Variants in TRIR observed in about 807,000 individuals in gnomAD.
TRIR encodes the protein telomerase RNA component interacting RNase.
A neutral mutation model predicts 18.2 loss-of-function variants in TRIR; 5 were observed. That is an observed-to-expected ratio of 0.27 (90% CI 0.14 to 0.58). The LOEUF (loss-of-function observed/expected upper bound fraction) is 0.58, where lower values mean the gene tolerates loss of function less well. Among genes scored for constraint, TRIR ranks in the 20% least tolerant of loss-of-function variants. The probability of loss-of-function intolerance (pLI) is 0.91; values close to 1 mark genes in which losing one functional copy is unlikely to be tolerated. For missense variants in TRIR, 206 were observed against 252.8 expected, an observed-to-expected ratio of 0.81 and a Z score of 1.25; for synonymous variants, 134 against 114.4, an observed-to-expected ratio of 1.17 and a Z score of -1.10.
chr19:12,731,258 A>G lies in TRIR; in HGVS notation c.423+86T>C, dbSNP rs1967422204. ...CCAGGCACACTCATAAAAGGCCTGG[A>G]TACCAGACAGGGAGGGAGAAGGCTG... On this transcript the variant is annotated intron_variant, in intron 2 of 2. Coordinates refer to ENST00000242784, the MANE Select transcript of TRIR (RefSeq NM_024038.4). This position sits in a 1 kb window ranked among gnomAD's most constrained non-coding sequence, Gnocchi z 5.1. The G allele has an allele frequency of 6.6e-7, 1 of 1,506,422 alleles. No individual in the cohort carries two copies. Among genetic ancestry groups the G allele is most frequent in the African/African-American group, 1.4e-5 (1 of 72,688 alleles). The allele number at this position is 1,506,422 out of a possible 1,614,324, so 93.3% of individuals were successfully genotyped here. A position where few individuals can be genotyped will look rare whatever the true frequency, so the allele number is the denominator to read the frequency against.
Position 12,731,232 on chromosome 19 carries a change from G to T in TRIR, c.423+112C>A. The T allele has an allele frequency of 1.4e-6, 2 of 1,385,344 alleles. No homozygotes were observed. Among genetic ancestry groups the T allele is most frequent in the Non-Finnish European group, 2.0e-6 (2 of 977,732 alleles). The allele number at this position is 1,385,344 out of a possible 1,614,324, so 85.8% of individuals were successfully genotyped here. On this transcript the variant is annotated intron_variant, in intron 2 of 2. Transcript: ENST00000242784. The surrounding 1 kb of genome is among the most constrained non-coding windows in gnomAD (Gnocchi z 5.1). ...GACCCATTGACAGCCCTCCTACCCT[G>T]CCAGGCACACTCATAAAAGGCCTGG...
At position 12,731,846 on chromosome 19, in the gene TRIR, G is replaced by C. The variant is rs1424195006; in HGVS notation, c.346-425C>G. ...GTTAGAACCACCCCCTTTTTGACCAGGCGCGGTGGCTCAGGCCTGTAATCC... is the reference window on the plus strand; with the variant it reads ...GTTAGAACCACCCCCTTTTTGACCACGCGCGGTGGCTCAGGCCTGTAATCC... On this transcript the variant is annotated intron_variant, in intron 1 of 2. Coordinates refer to ENST00000242784, the MANE Select transcript of TRIR (RefSeq NM_024038.4). This position sits in a 1 kb window ranked among gnomAD's most constrained non-coding sequence, Gnocchi z 5.1. 1 of 164,388 alleles carries C rather than the reference G, an allele frequency of 6.1e-6. No individual in the cohort carries two copies. Among genetic ancestry groups the C allele is most frequent in the African/African-American group, 2.4e-5 (1 of 41,152 alleles). The allele number at this position is 164,388 out of a possible 1,614,324, so 10.2% of individuals were successfully genotyped here.
At chr19:12,733,327 C>T (rs1317869169) in intron 1 of TRIR, among the ~76,000 whole-genome samples, 1 of 152,156 alleles carries the variant, frequency 6.6e-6, no homozygotes, top group Non-Finnish European at 1.5e-5. Context: ...ACACTTTTTC[C>T]TCCACACTAC....
Position 12,730,749 on chromosome 19 carries a change from G to C in TRIR, c.*212C>G. 1 of 595,300 alleles carries C rather than the reference G, an allele frequency of 1.7e-6. No individual in the cohort carries two copies. Among genetic ancestry groups the C allele is most frequent in the South Asian group, 2.0e-5 (1 of 49,710 alleles). The allele number at this position is 595,300 out of a possible 1,614,324, so 36.9% of individuals were successfully genotyped here. On this transcript the variant is annotated 3_prime_UTR_variant, in exon 3 of 3. Transcript: ENST00000242784. ...CAGAGAGAATGAGGAGGTGAGAAGG[G>C]GGGGACAGTAAACCACTGTTCTATG...
At position 12,730,885 on chromosome 19, in the gene TRIR, G is replaced by T; in HGVS notation, c.*76C>A. The T allele has an allele frequency of 7.3e-7, 1 of 1,366,446 alleles. No homozygotes were observed. Among genetic ancestry groups the T allele is most frequent in the Non-Finnish European group, 1.0e-6 (1 of 958,278 alleles). 84.6% of individuals were successfully genotyped at this position (1,366,446 alleles called of 1,614,324 possible). A position where few individuals can be genotyped will look rare whatever the true frequency, so the allele number is the denominator to read the frequency against. On this transcript the variant is annotated 3_prime_UTR_variant, in exon 3 of 3. Coordinates refer to ENST00000242784, the MANE Select transcript of TRIR (RefSeq NM_024038.4). ...CTTTTAAGTCCTCTCAGGGAAGGCTGTCGCCGCTGCCGCTGCATTAAATAG... is the reference window on the plus strand; with the variant it reads ...CTTTTAAGTCCTCTCAGGGAAGGCTTTCGCCGCTGCCGCTGCATTAAATAG...
rs921799927 is a variant in TRIR, at chr19:12,734,142, C to T, written c.345+171G>A. On this transcript the variant is annotated intron_variant, in intron 1 of 2. Coordinates refer to ENST00000242784, the MANE Select transcript of TRIR (RefSeq NM_024038.4). The surrounding 1 kb of genome is among the most constrained non-coding windows in gnomAD (Gnocchi z 4.1). ...AAGCTCCTGGAGTCCCCACTCCCGC[C>T]CCTAGACCCCAGTTGTCGGGAATCC... 1.3e-5 allele frequency among the ~76,000 whole-genome samples: 2 copies of T among 152,216 alleles called. No individual in the cohort carries two copies. Among genetic ancestry groups the T allele is most frequent in the Non-Finnish European group, 2.9e-5 (2 of 68,036 alleles).
At position 12,731,284 on chromosome 19, in the gene TRIR, G is replaced by C. The variant is rs1967422582; in HGVS notation, c.423+60C>G. On this transcript the variant is annotated intron_variant, in intron 2 of 2. Coordinates refer to ENST00000242784, the MANE Select transcript of TRIR (RefSeq NM_024038.4). This position sits in a 1 kb window ranked among gnomAD's most constrained non-coding sequence, Gnocchi z 5.1. The stretch of plus-strand genomic sequence containing the variant: ...TACCAGACAGGGAGGGAGAAGGCTG[G>C]GCGCAAAAGCTGGAAGGGAAAGGCA... 5 of 1,582,974 alleles carry C rather than the reference G, an allele frequency of 3.2e-6. No homozygotes were observed. The highest frequency in any genetic ancestry group is 4.3e-6 in the Non-Finnish European group (5 of 1,154,374).
Position 12,731,091 on chromosome 19 carries a change from A to C in TRIR, c.424-23T>G, listed in dbSNP as rs1286823523. 2 of 1,594,734 alleles carry C rather than the reference A, an allele frequency of 1.3e-6. No homozygotes were observed. Among genetic ancestry groups the C allele is most frequent in the Non-Finnish European group, 1.7e-6 (2 of 1,162,866 alleles). Reference sequence around the variant, plus strand: ...TACCTGTGGAAAGGGGATACGGGTTAGGACGGGGGTGCCAGGAACCAGGGT... The same window carrying C: ...TACCTGTGGAAAGGGGATACGGGTTCGGACGGGGGTGCCAGGAACCAGGGT... On this transcript the variant is annotated intron_variant, in intron 2 of 2. Transcript: ENST00000242784. The surrounding 1 kb of genome is among the most constrained non-coding windows in gnomAD (Gnocchi z 5.1).
intron 1 of TRIR, among the ~76,000 whole-genome samples, chr19:12,732,957 G>T (rs751024647): frequency 1.6e-4 from 24 of 152,144 alleles, no homozygotes; most frequent in Non-Finnish European, 2.9e-4. Context: ...AGGCTAGAGC[G>T]CAGTGGTGCA....
intron 1 of TRIR, among the ~76,000 whole-genome samples, chr19:12,732,124 C>CAA (rs34115155): frequency 0.015 from 1,209 of 79,618 alleles, 22 homozygotes; most frequent in Non-Finnish European, 0.018. Context: ...GACTCTGTCT[C>CAA]AAAAAAAAAA....
At chr19:12,733,427 T>C (rs1433473876) in intron 1 of TRIR, among the ~76,000 whole-genome samples, 1 of 152,194 alleles carries the variant, frequency 6.6e-6, no homozygotes, top group Non-Finnish European at 1.5e-5. Flanking sequence ...TTTCTCAACC[T>C]GGCACTAATA....
chr19:12,731,552 G>A lies in TRIR; in HGVS notation c.346-131C>T. 3 of 923,802 alleles carry A rather than the reference G, an allele frequency of 3.2e-6. No individual in the cohort carries two copies. The highest frequency in any genetic ancestry group is 4.8e-6 in the Non-Finnish European group (3 of 621,794). 57.2% of individuals were successfully genotyped at this position (923,802 alleles called of 1,614,324 possible). On this transcript the variant is annotated intron_variant, in intron 1 of 2. Coordinates refer to ENST00000242784, the MANE Select transcript of TRIR (RefSeq NM_024038.4). This position sits in a 1 kb window ranked among gnomAD's most constrained non-coding sequence, Gnocchi z 5.1. ...ACGCCGCGCCCAGCTCCGCCAGCCG[G>A]CCGACCTGCGCAGCAATCAGAGAGG...
rs143610591 is a variant in TRIR, at chr19:12,733,864, G to A, written c.345+449C>T. Among the ~76,000 whole-genome samples, 641 of 152,320 alleles carry A rather than the reference G, an allele frequency of 4.2e-3. 19 individuals carry two copies. Among genetic ancestry groups the A allele is most frequent in the Middle Eastern group, 3.4e-3 (1 of 294 alleles). On this transcript the variant is annotated intron_variant, in intron 1 of 2. Coordinates refer to ENST00000242784, the MANE Select transcript of TRIR (RefSeq NM_024038.4). Reference sequence around the variant, plus strand: ...GAGGTAAATTGCTCAATAAATGGAGGTTGGTCGAATAAGATACAAGGAAGT... The same window carrying A: ...GAGGTAAATTGCTCAATAAATGGAGATTGGTCGAATAAGATACAAGGAAGT...
chr19:12,731,456 G>A lies in TRIR; in HGVS notation c.346-35C>T. 6.3e-7 allele frequency: 1 copy of A among 1,597,132 alleles called. No individual in the cohort carries two copies. The highest frequency in any genetic ancestry group is 1.1e-5 in the South Asian group (1 of 88,850). ...GGGACAGAAGACTGCAACGGTTACA[G>A]GAGCCGGGACCGCCCTTGGCGGCGC... On this transcript the variant is annotated intron_variant, in intron 1 of 2. Coordinates refer to ENST00000242784, the MANE Select transcript of TRIR (RefSeq NM_024038.4). This position sits in a 1 kb window ranked among gnomAD's most constrained non-coding sequence, Gnocchi z 5.1.
Position 12,730,889 on chromosome 19 carries a change from C to T in TRIR, c.*72G>A. On this transcript the variant is annotated 3_prime_UTR_variant, in exon 3 of 3. Coordinates refer to ENST00000242784, the MANE Select transcript of TRIR (RefSeq NM_024038.4). Reference sequence around the variant, plus strand: ...TAAGTCCTCTCAGGGAAGGCTGTCGCCGCTGCCGCTGCATTAAATAGTTAT... The same window carrying T: ...TAAGTCCTCTCAGGGAAGGCTGTCGTCGCTGCCGCTGCATTAAATAGTTAT... 1 of 1,398,640 alleles carries T rather than the reference C, an allele frequency of 7.1e-7. No homozygotes were observed. Among genetic ancestry groups the T allele is most frequent in the Non-Finnish European group, 1.0e-6 (1 of 987,188 alleles). 86.6% of individuals were successfully genotyped at this position (1,398,640 alleles called of 1,614,324 possible).
chr19:12,734,653 G>A lies in TRIR; in HGVS notation c.5C>T (p.Ala2Val), dbSNP rs1967505109. 1 of 1,505,608 alleles carries A rather than the reference G, an allele frequency of 6.6e-7. No homozygotes were observed. The highest frequency in any genetic ancestry group is 8.8e-7 in the Non-Finnish European group (1 of 1,135,680). The allele number at this position is 1,505,608 out of a possible 1,614,324, so 93.3% of individuals were successfully genotyped here. The change falls in exon 1 of 3, where the codon GCT becomes GTT. Residue 2 changes from alanine (A) to valine (V), a missense_variant. Around this residue, in one of 2 missense-constraint regions of TRIR, gnomAD observed 172 missense variants for 165.0 expected, o/e 1.04. Transcript: ENST00000242784. This position sits in a 1 kb window ranked among gnomAD's most constrained non-coding sequence, Gnocchi z 4.1. MAARGRRAEPQG... is the reference protein window; with the variant it reads MVARGRRAEPQG... The stretch of plus-strand genomic sequence containing the variant: ...AGGCTCCGCCCGTCTCCCTCGGGCA[G>A]CCATTTTGTCGCCAGGTGCCGCGCA...
At chr19:12,732,256 G>C (rs1031412051) in intron 1 of TRIR, among the ~76,000 whole-genome samples, 1 of 152,102 alleles carries the variant, frequency 6.6e-6, no homozygotes, top group Admixed American at 6.6e-5. Context: ...CGAAGCCTCT[G>C]GACAGCATCC....
At position 12,731,557 on chromosome 19, in the gene TRIR, C is replaced by T. The variant is rs1967428434; in HGVS notation, c.346-136G>A. ...GCGCCCAGCTCCGCCAGCCGGCCGA[C>T]CTGCGCAGCAATCAGAGAGGAGCAC... is the stretch of plus-strand genomic sequence containing the variant. On this transcript the variant is annotated intron_variant, in intron 1 of 2. Transcript: ENST00000242784. This position sits in a 1 kb window ranked among gnomAD's most constrained non-coding sequence, Gnocchi z 5.1. 1 of 898,768 alleles carries T rather than the reference C, an allele frequency of 1.1e-6. No homozygotes were observed. Among genetic ancestry groups the T allele is most frequent in the African/African-American group, 1.7e-5 (1 of 59,566 alleles). The allele number at this position is 898,768 out of a possible 1,614,324, so 55.7% of individuals were successfully genotyped here.
chr19:12,730,690 G>T lies in TRIR; in HGVS notation c.*271C>A. On this transcript the variant is annotated 3_prime_UTR_variant, in exon 3 of 3. Transcript: ENST00000242784. ...TTCCCAGAAGTGATGGCTAAGGGGA[G>T]GGAGGAGGGTGAGAAGAGGAAGACA... is the stretch of plus-strand genomic sequence containing the variant. The T allele has an allele frequency of 1.9e-6, 1 of 531,706 alleles. No individual in the cohort carries two copies. The highest frequency in any genetic ancestry group is 3.4e-6 in the Non-Finnish European group (1 of 295,206). The allele number at this position is 531,706 out of a possible 1,614,324, so 32.9% of individuals were successfully genotyped here.
Sources: gnomAD v4.1 joint callset for allele counts (sites outside exome capture counted in the v4.1 genomes callset) on GRCh38, gnomAD v4.1.1 for gene constraint, gnomAD v4.1.1 regional missense constraint, Gnocchi (gnomAD v3.1) non-coding constraint, MANE v1.5 for transcripts, NCBI Gene and HGNC (gene_info 2026-07-23, HGNC 2026-07-21) for gene names.